The following KIAA1217 variants were observed in gnomAD, a reference collection of about 807,000 sequenced individuals.
KIAA1217 encodes sickle tail protein homolog.
Under a neutral mutation model 163.9 loss-of-function variants are expected in KIAA1217, and 88 were observed. That is an observed-to-expected ratio of 0.54 (90% CI 0.45 to 0.64). The LOEUF (loss-of-function observed/expected upper bound fraction) is 0.64. Among genes scored for constraint, KIAA1217 ranks in the 30% least tolerant of loss-of-function variants. The pLI, the probability that KIAA1217 is intolerant of heterozygous loss-of-function variation, is 0.00. For missense variants in KIAA1217, 2,372 were observed against 2,475.0 expected (o/e 0.96, Z 0.88); for synonymous variants, 903 against 923.1 (o/e 0.98, Z 0.39).
At chr10:24,016,463 C>T (rs1847482936) in intron 2 of KIAA1217, among the ~76,000 whole-genome samples, 1 of 151,982 alleles carries the variant, frequency 6.6e-6, no homozygotes, top group Admixed American at 6.6e-5. Flanking sequence ...AGCCTGTACT[C>T]AGAAAAAATA....
chr10:23,761,654 G>A (rs6482342), intron 1 of KIAA1217, among the ~76,000 whole-genome samples: 38,884 of 151,978 alleles, frequency 0.26, 5,791 homozygotes, highest in African/African-American at 0.41. Flanking sequence ...TGCATTTGCT[G>A]AGGAGTGTTT....
intron 2 of KIAA1217, among the ~76,000 whole-genome samples, chr10:24,086,813 C>T (rs2061713046): frequency 6.6e-6 from 1 of 152,144 alleles, no homozygotes. Context: ...ATCTTTGCTC[C>T]TGGTTTCCTA....
chr10:23,701,110 A>G (rs781672928), intron 1 of KIAA1217, among the ~76,000 whole-genome samples: 2 of 152,206 alleles, frequency 1.3e-5, no homozygotes, highest in Non-Finnish European at 2.9e-5. Context: ...CACTTGGTAC[A>G]TGTTTATTTA....
chr10:23,857,884 A>C (rs1222064468), intron 1 of KIAA1217, among the ~76,000 whole-genome samples: 2 of 152,084 alleles, frequency 1.3e-5, no homozygotes, highest in Non-Finnish European at 2.9e-5. Flanking sequence ...CTTCTAATTT[A>C]ATAGTTAGAA....
chr10:23,702,178 T>C (rs564992240), intron 1 of KIAA1217, among the ~76,000 whole-genome samples: 1 of 152,240 alleles, frequency 6.6e-6, no homozygotes, highest in South Asian at 2.1e-4. Context: ...ATTCATTTTA[T>C]TGTAACTGTA....
At chr10:24,370,204 G>T (rs146685113) in intron 2 of KIAA1217, among the ~76,000 whole-genome samples, 4 of 145,726 alleles carry the variant, frequency 2.7e-5, no homozygotes, top group African/African-American at 1.0e-4. Context: ...GGCGGAGCCT[G>T]CAGTGAGCCA....
intron 2 of KIAA1217, among the ~76,000 whole-genome samples, chr10:24,244,458 CT>C (rs2073505680): frequency 6.6e-6 from 1 of 151,636 alleles, no homozygotes. Flanking sequence ...GATGACCTTG[CT>C]TTTTCTCTTC....
rs537485219 is a variant in KIAA1217 at position 23,973,797 on chromosome 10, C to T, written c.-320-33428C>T. Among the ~76,000 whole-genome samples the T allele has an allele frequency of 1.0e-3, 156 of 151,796 alleles. 1 individual carries two copies. Among genetic ancestry groups the T allele is most frequent in the Non-Finnish European group, 1.6e-3 (110 of 67,940 alleles). On this transcript the variant is annotated intron_variant, in intron 1 of 18. Transcript: ENST00000376462. ...CACATGTCTGTCAGCAATTTTTTTCCTATAGGACCACTTCTAGTCAAGGAA... is the reference window on the plus strand; with the variant it reads ...CACATGTCTGTCAGCAATTTTTTTCTTATAGGACCACTTCTAGTCAAGGAA...
chr10:23,968,257 A>C (rs1268232202), intron 1 of KIAA1217, among the ~76,000 whole-genome samples: 2 of 152,222 alleles, frequency 1.3e-5, no homozygotes, highest in African/African-American at 4.8e-5. Context: ...ATGTTGAGGA[A>C]CATAGTTTAA....
chr10:24,465,213 C>T (rs553323102), intron 5 of KIAA1217, among the ~76,000 whole-genome samples: 20 of 152,334 alleles, frequency 1.3e-4, no homozygotes, highest in Non-Finnish European at 2.1e-4. Flanking sequence ...AAGTCAAGAG[C>T]TTCCACATTC....
chr10:24,175,035 T>TA (rs397776969), intron 2 of KIAA1217, among the ~76,000 whole-genome samples: 1 of 151,556 alleles, frequency 6.6e-6, no homozygotes, highest in African/African-American at 2.4e-5. Context: ...TTTTTTTTTT[T>TA]ATTTTCAGTA....
At chr10:23,745,744 T>C (rs1452661919) in intron 1 of KIAA1217, among the ~76,000 whole-genome samples, 1 of 152,184 alleles carries the variant, frequency 6.6e-6, no homozygotes, top group Non-Finnish European at 1.5e-5. Context: ...GAAGTACTCC[T>C]GGAGCCCATG....
intron 2 of KIAA1217, among the ~76,000 whole-genome samples, chr10:24,055,973 C>T (rs985713572): frequency 2.0e-5 from 3 of 151,422 alleles, no homozygotes; most frequent in Admixed American, 6.6e-5. Context: ...AAAAAAAATA[C>T]CCCAAATGTC....
intron 5 of KIAA1217, among the ~76,000 whole-genome samples, chr10:24,468,095 C>T (rs2132848589): frequency 6.6e-6 from 1 of 152,276 alleles, no homozygotes; most frequent in South Asian, 2.1e-4. Context: ...CATCATGCTG[C>T]TTCCATCTAT....
At chr10:24,200,213 A>T (rs1389387689) in intron 2 of KIAA1217, among the ~76,000 whole-genome samples, 85 of 133,618 alleles carry the variant, frequency 6.4e-4, no homozygotes, top group African/African-American at 2.0e-3. Context: ...TTATTTTTTA[A>T]TTTTTTTTTT....
At chr10:24,243,825 T>C (rs968945934) in intron 2 of KIAA1217, among the ~76,000 whole-genome samples, 5 of 152,160 alleles carry the variant, frequency 3.3e-5, no homozygotes, top group Admixed American at 3.3e-4. Flanking sequence ...TGTGTATGTA[T>C]ATATACATAT....
At chr10:23,928,422 A>T (rs1843118665) in intron 1 of KIAA1217, among the ~76,000 whole-genome samples, 1 of 152,136 alleles carries the variant, frequency 6.6e-6, no homozygotes, top group Admixed American at 6.6e-5. Context: ...TTGCTTGATG[A>T]ATTGTTCATC....
At chr10:24,000,634 C>A (rs1444014912) in intron 1 of KIAA1217, among the ~76,000 whole-genome samples, 1 of 152,220 alleles carries the variant, frequency 6.6e-6, no homozygotes, top group Non-Finnish European at 1.5e-5. Flanking sequence ...CTGTGCCATG[C>A]AGTATCCTGG....
At chr10:24,141,765 A>G (rs1247556405) in intron 2 of KIAA1217, among the ~76,000 whole-genome samples, 1 of 152,236 alleles carries the variant, frequency 6.6e-6, no homozygotes, top group African/African-American at 2.4e-5. Context: ...AAGGCTGGTC[A>G]GAACCAGCAG....
Sources: allele counts gnomAD v4.1 joint callset (sites outside exome capture counted in the v4.1 genomes callset), GRCh38; gene constraint gnomAD v4.1.1; transcripts MANE v1.5; gene names NCBI Gene and HGNC (gene_info 2026-07-23, HGNC 2026-07-21).